DLG2: variants seen among roughly 807,000 people sequenced by gnomAD.
DLG2 encodes the protein disks large homolog 2.
DLG2 carries 45 observed loss-of-function variants against 132.5 expected under a neutral mutation model. The observed-to-expected ratio is 0.34, with a 90% CI of 0.27 to 0.44. DLG2 has a LOEUF of 0.44. Ranked by LOEUF, DLG2 falls within the 20% of genes least tolerant of loss-of-function variation. DLG2 has a pLI of 1.00. For synonymous variants in DLG2, 424 were observed against 419.6 expected (o/e 1.01, Z -0.13); for missense variants, 1,045 against 1,196.9 (o/e 0.87, Z 1.87).
At chr11:84,021,352 A>G (rs1278273370) in intron 11 of DLG2, among the ~76,000 whole-genome samples, 1 of 135,412 alleles carries the variant, frequency 7.4e-6, no homozygotes, top group South Asian at 2.5e-4. Context: ...AAGCTGAGAA[A>G]GAAAAAAAAA....
chr11:84,900,005 G>T (rs533913031), intron 6 of DLG2, among the ~76,000 whole-genome samples: 1 of 152,078 alleles, frequency 6.6e-6, no homozygotes, highest in African/African-American at 2.4e-5. Context: ...AATTCCTTGG[G>T]AATTATTTCC....
At chr11:84,122,771 T>G (rs1378044439) in intron 9 of DLG2, among the ~76,000 whole-genome samples, 1 of 152,152 alleles carries the variant, frequency 6.6e-6, no homozygotes, top group Non-Finnish European at 1.5e-5. Flanking sequence ...AAATTGCCCT[T>G]GAAGGTTTTT....
intron 9 of DLG2, among the ~76,000 whole-genome samples, chr11:84,143,195 T>C (rs776593889): frequency 6.6e-6 from 1 of 151,878 alleles, no homozygotes; most frequent in Non-Finnish European, 1.5e-5. Flanking sequence ...ATATAAAAGG[T>C]AGGCACATGT....
chr11:83,786,237 A>G (rs1052101365), intron 18 of DLG2, among the ~76,000 whole-genome samples: 1 of 151,708 alleles, frequency 6.6e-6, no homozygotes, highest in Non-Finnish European at 1.5e-5. Flanking sequence ...GAGTAAAGGC[A>G]AAAAAAATGT....
chr11:84,168,810 A>AACACACAC (rs763826829), intron 8 of DLG2, among the ~76,000 whole-genome samples: 17 of 115,816 alleles, frequency 1.5e-4, no homozygotes, highest in Non-Finnish European at 2.4e-4. Flanking sequence ...ACAGCAAATC[A>AACACACAC]ACACACACAC....
At chr11:84,592,300 C>T (rs569665595) in intron 6 of DLG2, among the ~76,000 whole-genome samples, 28 of 152,226 alleles carry the variant, frequency 1.8e-4, no homozygotes, top group Non-Finnish European at 3.4e-4. Flanking sequence ...CCAGAACTCA[C>T]TGAATTAAAG....
intron 6 of DLG2, among the ~76,000 whole-genome samples, chr11:84,957,587 G>A (rs2051884226): frequency 1.3e-5 from 2 of 152,032 alleles, no homozygotes; most frequent in African/African-American, 4.8e-5. Context: ...ACCCTCTCAG[G>A]CAAAATGGGT....
chr11:85,458,372 T>G (rs1365238054), intron 3 of DLG2, among the ~76,000 whole-genome samples: 5 of 152,220 alleles, frequency 3.3e-5, no homozygotes, highest in Admixed American at 3.3e-4. Flanking sequence ...GCACTGGACT[T>G]TGACATTGTT....
intron 11 of DLG2, among the ~76,000 whole-genome samples, chr11:83,999,525 C>T (rs1197094562): frequency 6.6e-6 from 1 of 152,158 alleles, no homozygotes; most frequent in Non-Finnish European, 1.5e-5. Context: ...CAACTACTGA[C>T]ACTGAATAAG....
chr11:85,150,831 T>G (rs187053290), intron 5 of DLG2, among the ~76,000 whole-genome samples: 1 of 151,894 alleles, frequency 6.6e-6, no homozygotes, highest in Non-Finnish European at 1.5e-5. Flanking sequence ...AAGGCTGTGA[T>G]GACCATGGCT....
intron 6 of DLG2, among the ~76,000 whole-genome samples, chr11:84,711,372 GAGAGAGAGATCGAT>G (rs1443329086): frequency 3.5e-5 from 3 of 86,808 alleles, no homozygotes; most frequent in African/African-American, 1.2e-4. Context: ...GAGAGAGAGA[GAGAGAGAGATCGAT>G]CGATCTAGCT....
intron 6 of DLG2, among the ~76,000 whole-genome samples, chr11:84,702,428 CACTT>C (rs1053567530): frequency 5.9e-5 from 9 of 151,716 alleles, no homozygotes; most frequent in Non-Finnish European, 1.3e-4. Context: ...TCAAATTCTT[CACTT>C]ACTTCTAATT....
At chr11:84,670,164 C>G (rs73513127) in intron 6 of DLG2, among the ~76,000 whole-genome samples, 28,251 of 151,990 alleles carry the variant, frequency 0.19, 2,998 homozygotes, top group African/African-American at 0.27. Context: ...CAATTCCAAC[C>G]TTCCTCTTGA....
intron 16 of DLG2, among the ~76,000 whole-genome samples, chr11:83,852,124 T>G (rs114757184): frequency 0.015 from 2,337 of 152,238 alleles, 52 homozygotes; most frequent in African/African-American, 0.053. Flanking sequence ...CACTTTGATT[T>G]TGGACTCTAG....
At chr11:85,087,661 A>AC (rs2068115720) in intron 6 of DLG2, among the ~76,000 whole-genome samples, 3 of 150,512 alleles carry the variant, frequency 2.0e-5, no homozygotes, top group Admixed American at 2.0e-4. Context: ...ACAAGGTGAA[A>AC]CCCCGTCTCT....
intron 18 of DLG2, among the ~76,000 whole-genome samples, chr11:83,671,478 A>G (rs1170489167): frequency 6.6e-6 from 1 of 152,188 alleles, no homozygotes; most frequent in Non-Finnish European, 1.5e-5. Flanking sequence ...TGTCCTTACT[A>G]ATGAGCTCCC....
At chr11:84,665,051 G>A (rs909553795) in intron 6 of DLG2, among the ~76,000 whole-genome samples, 1 of 152,034 alleles carries the variant, frequency 6.6e-6, no homozygotes, top group Admixed American at 6.6e-5. Context: ...CTTAGCTGGA[G>A]ATTCTTCTAT....
intron 9 of DLG2, among the ~76,000 whole-genome samples, chr11:84,155,387 T>G (rs1326026723): frequency 6.6e-6 from 1 of 151,920 alleles, no homozygotes; most frequent in African/African-American, 2.4e-5. Flanking sequence ...TTTCAAAAGA[T>G]CTATTCGAAG....
chr11:84,065,623 T>C (rs1234798859), intron 10 of DLG2, among the ~76,000 whole-genome samples: 1 of 152,186 alleles, frequency 6.6e-6, no homozygotes, highest in Non-Finnish European at 1.5e-5. Context: ...GGTGGGAGTG[T>C]AAATTAGTTC....
Sources: allele counts gnomAD v4.1 joint callset (sites outside exome capture counted in the v4.1 genomes callset), GRCh38; gene constraint gnomAD v4.1.1; transcripts MANE v1.5; gene names NCBI Gene and HGNC (gene_info 2026-07-23, HGNC 2026-07-21).